RORB: variants seen among roughly 807,000 people sequenced by gnomAD.
RORB encodes RAR related orphan receptor B, also known as nuclear receptor ROR-beta.
A neutral mutation model predicts 59.1 loss-of-function variants in RORB; 6 were observed. The ratio of observed to expected loss-of-function variants is 0.10; its 90% CI spans 0.06 to 0.20. The LOEUF is 0.20. Among genes scored for constraint, RORB ranks in the 10% least tolerant of loss-of-function variants. The pLI, the probability that RORB is intolerant of heterozygous loss-of-function variation, is 1.00. For synonymous variants in RORB, 215 were observed against 204.5 expected (o/e 1.05, Z -0.44); for missense variants, 320 against 560.5 (o/e 0.57, Z 4.33).
At chr9:74,628,569 T>C (rs1434360403) in intron 1 of RORB, among the ~76,000 whole-genome samples, 1 of 152,326 alleles carries the variant, frequency 6.6e-6, no homozygotes, top group South Asian at 2.1e-4. Context: ...AAATATTTAC[T>C]TTTTTAAAAA....
rs111521854 is a variant in RORB at position 74,522,413 on chromosome 9, C to T, written c.7+24430C>T. On this transcript the variant is annotated intron_variant, in intron 1 of 9. Transcript: ENST00000376896. ...TAGAAGGTAGAATTCACCTTCTCTC[C>T]AGGAACAACTAACCAAAATTATTCT... Among the ~76,000 whole-genome samples, 615 of 151,810 alleles carry T rather than the reference C, an allele frequency of 4.1e-3. 7 individuals are homozygous for T. Among genetic ancestry groups the T allele is most frequent in the African/African-American group, 0.014 (583 of 41,504 alleles).
In RORB at chr9:74,685,711, T is replaced by G. The variant is rs1053263503; in HGVS notation, c.*93T>G. ...GAAGACTTAAGAAAAATGTCACTAC[T>G]GCAACATTAGGAATGTCCTGCACTT... On this transcript the variant is annotated 3_prime_UTR_variant, in exon 10 of 10. Coordinates refer to ENST00000376896, the MANE Select transcript of RORB (RefSeq NM_006914.4). The G allele has an allele frequency of 1.7e-5, 16 of 953,214 alleles. No individual in the cohort carries two copies. The Admixed American group carries it at 2.9e-4, about 17-fold the overall frequency. 59.0% of individuals were successfully genotyped at this position (953,214 alleles called of 1,614,324 possible). A position where few individuals can be genotyped will look rare whatever the true frequency, so the allele number is the denominator to read the frequency against.
intron 3 of RORB, among the ~76,000 whole-genome samples, chr9:74,635,956 CAAAA>C (rs11364568): frequency 7.6e-6 from 1 of 131,648 alleles, no homozygotes; most frequent in Admixed American, 7.7e-5. Flanking sequence ...CAAATTTGAC[CAAAA>C]AAAAAAAAAA....
chr9:74,552,915 C>T (rs530054546), intron 1 of RORB, among the ~76,000 whole-genome samples: 6 of 152,154 alleles, frequency 3.9e-5, no homozygotes, highest in East Asian at 1.9e-4. Flanking sequence ...TGAATCAAAG[C>T]GGGGACCTAA....
At chr9:74,522,893 G>C (rs1010244093) in intron 1 of RORB, among the ~76,000 whole-genome samples, 1 of 151,788 alleles carries the variant, frequency 6.6e-6, no homozygotes. Flanking sequence ...AAATGCATGT[G>C]AGCACCTCTT....
intron 1 of RORB, among the ~76,000 whole-genome samples, chr9:74,537,458 C>A (rs1021104026): frequency 6.6e-6 from 1 of 151,878 alleles, no homozygotes; most frequent in Non-Finnish European, 1.5e-5. Context: ...GTTTCCCCCA[C>A]ATGAAATCCT....
intron 9 of RORB, among the ~76,000 whole-genome samples, chr9:74,675,439 G>A (rs1039842535): frequency 6.6e-6 from 1 of 152,036 alleles, no homozygotes; most frequent in Non-Finnish European, 1.5e-5. Context: ...AGGTTGGACT[G>A]CATGGTCTTT....
intron 8 of RORB, among the ~76,000 whole-genome samples, chr9:74,669,899 T>C (rs1261138389): frequency 6.6e-6 from 1 of 152,220 alleles, no homozygotes; most frequent in African/African-American, 2.4e-5. Context: ...GTTTTTATGT[T>C]AGGCTTTATT....
At chr9:74,633,728 T>G (rs1449225595) in intron 2 of RORB, among the ~76,000 whole-genome samples, 1 of 152,170 alleles carries the variant, frequency 6.6e-6, no homozygotes, top group Non-Finnish European at 1.5e-5. Context: ...AAGCAGTGTA[T>G]GGTCACTGGC....
intron 4 of RORB, among the ~76,000 whole-genome samples, chr9:74,646,881 C>T (rs1454257855): frequency 6.6e-6 from 1 of 152,078 alleles, no homozygotes; most frequent in Non-Finnish European, 1.5e-5. Flanking sequence ...GGGATGCTAC[C>T]ACACTCTTCT....
chr9:74,550,618 T>C (rs564466163), intron 1 of RORB, among the ~76,000 whole-genome samples: 3 of 152,388 alleles, frequency 2.0e-5, no homozygotes, highest in African/African-American at 7.2e-5. Flanking sequence ...CACTTGACAG[T>C]ACATTTGACA....
At chr9:74,638,911 GTAGTAGT>G (rs1823747763) in intron 3 of RORB, among the ~76,000 whole-genome samples, 1 of 152,194 alleles carries the variant, frequency 6.6e-6, no homozygotes, top group Non-Finnish European at 1.5e-5. Context: ...ACTCTAAAAT[GTAGTAGT>G]TTTAAGTTGT....
chr9:74,592,113 C>A (rs1463941052), intron 1 of RORB, among the ~76,000 whole-genome samples: 1 of 152,168 alleles, frequency 6.6e-6, no homozygotes. Flanking sequence ...CATCCATACT[C>A]ACTTGGATCT....
At chr9:74,533,824 T>G (rs1409599618) in intron 1 of RORB, among the ~76,000 whole-genome samples, 1 of 152,062 alleles carries the variant, frequency 6.6e-6, no homozygotes, top group African/African-American at 2.4e-5. Flanking sequence ...TTAAGAATAT[T>G]GAACTTGTTC....
At chr9:74,679,054 C>CA (rs1264565504) in intron 9 of RORB, among the ~76,000 whole-genome samples, 277 of 137,094 alleles carry the variant, frequency 2.0e-3, no homozygotes, top group South Asian at 7.2e-3. Flanking sequence ...CAAAAACAAA[C>CA]AAACAAAAAA....
chr9:74,549,062 A>G (rs1826548003), intron 1 of RORB, among the ~76,000 whole-genome samples: 1 of 152,208 alleles, frequency 6.6e-6, no homozygotes, highest in Non-Finnish European at 1.5e-5. Flanking sequence ...ATCAAATGGT[A>G]TCTGTGTTTA....
At chr9:74,572,699 C>A (rs1822570771) in intron 1 of RORB, among the ~76,000 whole-genome samples, 1 of 152,090 alleles carries the variant, frequency 6.6e-6, no homozygotes, top group Non-Finnish European at 1.5e-5. Flanking sequence ...ACACTTGGGG[C>A]CAGTCTTGGG....
chr9:74,503,365 A>G (rs1325826426), intron 1 of RORB, among the ~76,000 whole-genome samples: 1 of 152,092 alleles, frequency 6.6e-6, no homozygotes, highest in Non-Finnish European at 1.5e-5. Flanking sequence ...CGCAATATGT[A>G]TATGTATGTG....
At chr9:74,610,996 T>A (rs2118356977) in intron 1 of RORB, among the ~76,000 whole-genome samples, 1 of 152,290 alleles carries the variant, frequency 6.6e-6, no homozygotes, top group South Asian at 2.1e-4. Flanking sequence ...TAATGACATT[T>A]CTTCTATTTG....
Sources: gnomAD v4.1 joint callset for allele counts (sites outside exome capture counted in the v4.1 genomes callset) on GRCh38, gnomAD v4.1.1 for gene constraint, MANE v1.5 for transcripts, NCBI Gene and HGNC (gene_info 2026-07-23, HGNC 2026-07-21) for gene names.